CDC42: variants seen among roughly 807,000 people sequenced by gnomAD.
CDC42 encodes cell division control protein 42 homolog.
In CDC42, 1 loss-of-function variant was observed where a neutral mutation model predicts 20.8. The ratio of observed to expected loss-of-function variants is 0.05; its 90% CI spans 0.02 to 0.23. The LOEUF (loss-of-function observed/expected upper bound fraction) is 0.23. CDC42 is among the 10% of genes least tolerant of loss of function. CDC42 has a pLI of 1.00. For synonymous variants in CDC42, 72 were observed against 84.8 expected, an observed-to-expected ratio of 0.85 and a Z score of 0.83; for missense variants, 49 against 227.9, an observed-to-expected ratio of 0.21 and a Z score of 5.05.
At chr1:22,088,871 G>T (rs1034367663) in intron 5 of CDC42, among the ~76,000 whole-genome samples, 11 of 152,264 alleles carry the variant, frequency 7.2e-5, no homozygotes, top group Non-Finnish European at 1.5e-4. Context: ...TGTAAATGAT[G>T]TAGAAAGAGG....
At chr1:22,086,583 C>G (rs765767296) in intron 4 of CDC42, 35 bp downstream of exon 4, 1 of 1,582,138 alleles carries the variant, frequency 6.3e-7, no homozygotes, top group Admixed American at 1.7e-5. Flanking sequence ...CTAAGAAGAT[C>G]ATCTCAGAAT....
At position 22,094,390 on chromosome 1, in the gene CDC42, C is replaced by T. The variant is rs1347179744; in HGVS notation, c.*2873C>T. Among the ~76,000 whole-genome samples the T allele has an allele frequency of 7.8e-6, 1 of 128,354 alleles. No individual in the cohort carries two copies. Among genetic ancestry groups the T allele is most frequent in the Non-Finnish European group, 1.6e-5 (1 of 63,390 alleles). 84.2% of individuals were successfully genotyped at this position (128,354 alleles called of 152,430 possible). On this transcript the variant is annotated 3_prime_UTR_variant, in exon 6 of 6. Transcript: ENST00000656825. ...TCGGCTCACTGCAAGCTCCGCCTCCCGGGTTCACGCCATTCTCCTGCCTCA... is the reference window on the plus strand; with the variant it reads ...TCGGCTCACTGCAAGCTCCGCCTCCTGGGTTCACGCCATTCTCCTGCCTCA...
At chr1:22,079,375 A>G (rs544558076) in intron 2 of CDC42, among the ~76,000 whole-genome samples, 8 of 151,798 alleles carry the variant, frequency 5.3e-5, no homozygotes, top group African/African-American at 1.4e-4. Context: ...CTGACCTCAA[A>G]TGATCCACCT....
At chr1:22,080,892 T>C (rs926564136) in intron 2 of CDC42, among the ~76,000 whole-genome samples, 1 of 152,142 alleles carries the variant, frequency 6.6e-6, no homozygotes, top group Non-Finnish European at 1.5e-5. Flanking sequence ...CCCAGCTGGC[T>C]GGGTGCAGTG....
chr1:22,067,285 G>A (rs534366576), intron 1 of CDC42, among the ~76,000 whole-genome samples: 1 of 152,076 alleles, frequency 6.6e-6, no homozygotes, highest in South Asian at 2.1e-4. Context: ...TTGATGTTTG[G>A]TGAGGGCCTG....
intron 1 of CDC42, among the ~76,000 whole-genome samples, chr1:22,070,194 A>G (rs2152828863): frequency 6.6e-6 from 1 of 152,336 alleles, no homozygotes; most frequent in African/African-American, 2.4e-5. Context: ...AGAAATAAAT[A>G]GTAACTTCTC....
intron 1 of CDC42, among the ~76,000 whole-genome samples, chr1:22,071,339 C>T (rs752572945): frequency 6.6e-6 from 1 of 152,012 alleles, no homozygotes; most frequent in Non-Finnish European, 1.5e-5. Flanking sequence ...CCACCGCACC[C>T]GGTCGGAACA....
intron 1 of CDC42, among the ~76,000 whole-genome samples, chr1:22,060,179 T>A (rs879675935): frequency 2.0e-4 from 30 of 151,868 alleles, no homozygotes; most frequent in Admixed American, 3.3e-4. Flanking sequence ...CCGTCTTTAC[T>A]AAAAATACAA....
chr1:22,073,339 C>A (rs1385557286), intron 1 of CDC42, among the ~76,000 whole-genome samples: 7 of 151,766 alleles, frequency 4.6e-5, no homozygotes, highest in Non-Finnish European at 1.0e-4. Context: ...GATTTTGAGA[C>A]CAGCCTGGCC....
chr1:22,056,050 A>G (rs550521395), intron 1 of CDC42, among the ~76,000 whole-genome samples: 43 of 152,278 alleles, frequency 2.8e-4, no homozygotes, highest in African/African-American at 1.0e-3. Context: ...TCTCTTCCAC[A>G]TAGATTTCCT....
chr1:22,054,519 A>G (rs745841838), intron 1 of CDC42, among the ~76,000 whole-genome samples: 1 of 152,214 alleles, frequency 6.6e-6, no homozygotes. Flanking sequence ...CGCGACTGCA[A>G]TAGTATCACA....
rs1347749459 is a variant in CDC42 at position 22,100,713 on chromosome 1, G to C, written c.*9196G>C. 6.6e-6 allele frequency: 1 copy of C among 152,184 alleles called. No homozygotes were observed. Among genetic ancestry groups the C allele is most frequent in the Admixed American group, 6.5e-5 (1 of 15,288 alleles). The allele number at this position is 152,184 out of a possible 1,614,324, so 9.4% of individuals were successfully genotyped here. ...GTTGACTTCTGGGTCTTAAACTGCT[G>C]TATCAGTGAGGGGCTTCCTCCTCAT... is the stretch of plus-strand genomic sequence containing the variant. On this transcript the variant is annotated 3_prime_UTR_variant, in exon 6 of 6. Coordinates refer to ENST00000656825, the MANE Select transcript of CDC42 (RefSeq NM_001791.4).
intron 3 of CDC42, among the ~76,000 whole-genome samples, chr1:22,085,311 C>A (rs1042026504): frequency 2.0e-5 from 3 of 151,502 alleles, no homozygotes; most frequent in Non-Finnish European, 4.4e-5. Context: ...ATTCCATTGT[C>A]TTATATATCT....
intron 1 of CDC42, among the ~76,000 whole-genome samples, chr1:22,069,395 C>T (rs999587425): frequency 1.3e-5 from 2 of 151,880 alleles, no homozygotes; most frequent in African/African-American, 4.8e-5. Context: ...AGATTGGTCT[C>T]GAACTCCTGA....
In CDC42 at chr1:22,098,270, T is replaced by C. The variant is rs942104446; in HGVS notation, c.*6753T>C. 3.3e-5 allele frequency among the ~76,000 whole-genome samples: 5 copies of C among 152,182 alleles called. No individual in the cohort carries two copies. The highest frequency in any genetic ancestry group is 1.2e-4 in the African/African-American group (5 of 41,432). On this transcript the variant is annotated 3_prime_UTR_variant, in exon 6 of 6. Coordinates refer to ENST00000656825, the MANE Select transcript of CDC42 (RefSeq NM_001791.4). Reference sequence around the variant, plus strand: ...TGGCCTCATTATCTGTAAAATTGCATACTTAGTTATCATTGAGGTCTCAAA... The same window carrying C: ...TGGCCTCATTATCTGTAAAATTGCACACTTAGTTATCATTGAGGTCTCAAA...
At chr1:22,054,027 G>T (rs1352316199) in intron 1 of CDC42, among the ~76,000 whole-genome samples, 1 of 152,132 alleles carries the variant, frequency 6.6e-6, no homozygotes, top group Non-Finnish European at 1.5e-5. Context: ...CTTACTGCAT[G>T]CTGGGAATCT....
At position 22,095,863 on chromosome 1, in the gene CDC42, G is replaced by A. The variant is rs562062546; in HGVS notation, c.*4346G>A. Among the ~76,000 whole-genome samples the A allele has an allele frequency of 6.6e-6, 1 of 152,252 alleles. No homozygotes were observed. Among genetic ancestry groups the A allele is most frequent in the South Asian group, 2.1e-4 (1 of 4,822 alleles). ...GGGCCAAAGAGGGGCAAGGGAAAGC[G>A]CATTTACACTTTCTCGTATTCCATT... On this transcript the variant is annotated 3_prime_UTR_variant, in exon 6 of 6. Transcript: ENST00000656825.
chr1:22,069,825 C>T (rs1645465386), intron 1 of CDC42, among the ~76,000 whole-genome samples: 1 of 149,630 alleles, frequency 6.7e-6, no homozygotes, highest in Non-Finnish European at 1.5e-5. Context: ...ATAGCATCTC[C>T]CTGTGTTGCC....
chr1:22,053,750 A>G (rs1398678307), intron 1 of CDC42, among the ~76,000 whole-genome samples: 1 of 152,118 alleles, frequency 6.6e-6, no homozygotes, highest in African/African-American at 2.4e-5. Context: ...CTGCTTCCCA[A>G]CACGTCGTAT....
Sources: gnomAD v4.1 joint callset for allele counts (sites outside exome capture counted in the v4.1 genomes callset) on GRCh38, gnomAD v4.1.1 for gene constraint, MANE v1.5 for transcripts, NCBI Gene and HGNC (gene_info 2026-07-23, HGNC 2026-07-21) for gene names.